Variants in RAI1 observed in about 807,000 individuals in gnomAD.
RAI1 encodes the protein retinoic acid induced 1, also known as retinoic acid-induced protein 1.
Under a neutral mutation model 123.8 loss-of-function variants are expected in RAI1, and 9 were observed. That is an observed-to-expected ratio of 0.07 (90% CI 0.04 to 0.13). The LOEUF is 0.13. Ranked by LOEUF, RAI1 falls within the 10% of genes least tolerant of loss-of-function variation. The pLI, the probability that RAI1 is intolerant of heterozygous loss-of-function variation, is 1.00. For missense variants in RAI1, 2,256 were observed against 2,545.8 expected (o/e 0.89, Z 2.45); for synonymous variants, 1,231 against 1,127.3 (o/e 1.09, Z -1.84).
At chr17:17,733,042 A>C (rs760681236) in intron 2 of RAI1, among the ~76,000 whole-genome samples, 3 of 151,966 alleles carry the variant, frequency 2.0e-5, no homozygotes, top group Non-Finnish European at 4.4e-5. Flanking sequence ...CCACACACCC[A>C]CAGGGCACTA....
intron 1 of RAI1, among the ~76,000 whole-genome samples, chr17:17,715,728 G>A (rs117814658): frequency 1.3e-4 from 20 of 152,250 alleles, no homozygotes; most frequent in East Asian, 7.7e-4. Flanking sequence ...GATGCCCCCC[G>A]GAAAGGGCTT....
chr17:17,810,997 G>C lies in RAI1; in HGVS notation c.*1016G>C. Reference sequence around the variant, plus strand: ...CGCCGTGCGTCGTGCGCCCGCAACAGAGCCCCAACCGGGCCTTTGCCGGGT... The same window carrying C: ...CGCCGTGCGTCGTGCGCCCGCAACACAGCCCCAACCGGGCCTTTGCCGGGT... On this transcript the variant is annotated 3_prime_UTR_variant, in exon 6 of 6. Transcript: ENST00000353383. The surrounding 1 kb of genome is among the most constrained non-coding windows in gnomAD (Gnocchi z 4.6). 3.1e-6 allele frequency: 1 copy of C among 320,876 alleles called. No individual in the cohort carries two copies. The highest frequency in any genetic ancestry group is 6.3e-6 in the Non-Finnish European group (1 of 159,862). The allele number at this position is 320,876 out of a possible 1,614,324, so 19.9% of individuals were successfully genotyped here.
Position 17,797,407 on chromosome 17 carries a change from G to A in RAI1, c.4459G>A (p.Ala1487Thr), listed in dbSNP as rs751990602. Reference protein sequence around the residue: ...PRDRASGTQGASEDNSGGGGK... With the variant: ...PRDRASGTQGTSEDNSGGGGK... The stretch of plus-strand genomic sequence containing the variant: ...AGACAGGGCCAGTGGCACACAAGGG[G>A]CCAGTGAGGACAACTCTGGTGGAGG... Residue 1487 changes from alanine (A) to threonine (T), a missense_variant, in exon 3 of 6, where the codon GCC (alanine) becomes ACC (threonine). By Grantham distance (58) the Ala-to-Thr change is moderately conservative. Around this residue, in one of 7 missense-constraint regions of RAI1, gnomAD observed 410 missense variants for 374.6 expected, o/e 1.09. Transcript: ENST00000353383. 6.2e-7 allele frequency: 1 copy of A among 1,613,102 alleles called. No individual in the cohort carries two copies. Among genetic ancestry groups the A allele is most frequent in the South Asian group, 1.1e-5 (1 of 91,072 alleles).
At chr17:17,742,680 A>G (rs1483947187) in intron 2 of RAI1, among the ~76,000 whole-genome samples, 1 of 152,188 alleles carries the variant, frequency 6.6e-6, no homozygotes, top group African/African-American at 2.4e-5. Context: ...GCTGTCCCAC[A>G]CCTGAGTCCC....
chr17:17,723,871 T>C (rs1207191493), intron 1 of RAI1, among the ~76,000 whole-genome samples, 157 bp from the exon 2 acceptor site: 3 of 148,740 alleles, frequency 2.0e-5, no homozygotes, highest in African/African-American at 7.4e-5. Flanking sequence ...GAATAATGGC[T>C]ACTGAGGGCG....
intron 1 of RAI1, among the ~76,000 whole-genome samples, chr17:17,715,101 G>T (rs1915669380): frequency 6.6e-6 from 1 of 152,256 alleles, no homozygotes. Flanking sequence ...CCCAAGCCAG[G>T]AATTGCACTG....
At chr17:17,758,955 CAGGA>C (rs1209457825) in intron 2 of RAI1, among the ~76,000 whole-genome samples, 1 of 152,132 alleles carries the variant, frequency 6.6e-6, no homozygotes, top group East Asian at 1.9e-4. Flanking sequence ...TCAGAGGGTG[CAGGA>C]CCTTGAATGC....
intron 2 of RAI1, among the ~76,000 whole-genome samples, chr17:17,784,415 T>G (rs150260612): frequency 2.6e-5 from 4 of 152,308 alleles, no homozygotes; most frequent in African/African-American, 9.6e-5. Flanking sequence ...CCCTTTCTGT[T>G]TGACAGACAG....
At chr17:17,807,641 C>T (rs2143006017) in intron 4 of RAI1, among the ~76,000 whole-genome samples, 1 of 152,360 alleles carries the variant, frequency 6.6e-6, no homozygotes, top group East Asian at 1.9e-4. Flanking sequence ...GTGACTCCCG[C>T]CCCGTGCCCC....
At chr17:17,787,469 A>G (rs1032239649) in intron 2 of RAI1, among the ~76,000 whole-genome samples, 1 of 152,250 alleles carries the variant, frequency 6.6e-6, no homozygotes, top group African/African-American at 2.4e-5. Flanking sequence ...TAAAAAAAAA[A>G]TTATTGTCCA....
intron 1 of RAI1, among the ~76,000 whole-genome samples, chr17:17,704,763 G>T (rs974621843): frequency 6.6e-6 from 1 of 151,872 alleles, no homozygotes; most frequent in Non-Finnish European, 1.5e-5. Flanking sequence ...TGTTGTTATT[G>T]GTGGTGGTGT....
chr17:17,692,132 C>G (rs1914858799), intron 1 of RAI1, among the ~76,000 whole-genome samples: 1 of 152,208 alleles, frequency 6.6e-6, no homozygotes, highest in African/African-American at 2.4e-5. Flanking sequence ...TGGGGTGACA[C>G]TGTCCCCTGG....
intron 2 of RAI1, among the ~76,000 whole-genome samples, chr17:17,741,374 G>C (rs1297287483): frequency 6.6e-6 from 1 of 152,232 alleles, no homozygotes; most frequent in African/African-American, 2.4e-5. Context: ...TGAGCAGGGG[G>C]ACCCTCCCTC....
rs1185115307 is a variant in RAI1 at position 17,795,856 on chromosome 17, G to A, written c.2908G>A (p.Ala970Thr). 8 of 1,613,004 alleles carry A rather than the reference G, an allele frequency of 5.0e-6. No homozygotes were observed. The highest frequency in any genetic ancestry group is 2.2e-5 in the East Asian group (1 of 44,880). Reference sequence around the variant, plus strand: ...TCCAGGGGATTCCACCACCTCGGACGCCTCTCTGGCCCAGAAGCCCAACAA... The same window carrying A: ...TCCAGGGGATTCCACCACCTCGGACACCTCTCTGGCCCAGAAGCCCAACAA... ...RAPGDSTTSD[A>T]SLAQKPNKPA... is the part of the protein sequence containing the mutation. The change falls in exon 3 of 6, where the codon GCC (alanine) becomes ACC (threonine). Residue 970 changes from alanine (A) to threonine (T), a missense_variant. By Grantham distance (58) the Ala-to-Thr change is moderately conservative. This residue lies in a region of RAI1 where 566 missense variants were observed against 616.0 expected (regional missense o/e 0.92). Coordinates refer to ENST00000353383, the MANE Select transcript of RAI1 (RefSeq NM_030665.4). This position sits in a 1 kb window ranked among gnomAD's most constrained non-coding sequence, Gnocchi z 5.9.
At chr17:17,688,202 A>G (rs1914705833) in intron 1 of RAI1, among the ~76,000 whole-genome samples, 1 of 151,714 alleles carries the variant, frequency 6.6e-6, no homozygotes, top group Non-Finnish European at 1.5e-5. Context: ...TGAGGATAAT[A>G]GGCAGGGCGC....
At chr17:17,684,684 A>G (rs1914564915) in intron 1 of RAI1, 1 of 44,806 alleles carries the variant, frequency 2.2e-5, no homozygotes, top group South Asian at 3.3e-4. Flanking sequence ...ATATATATAT[A>G]TATATATATA....
chr17:17,807,272 TGA>T (rs2032613936), intron 4 of RAI1, among the ~76,000 whole-genome samples: 1 of 131,422 alleles, frequency 7.6e-6, no homozygotes, highest in Admixed American at 7.5e-5. Context: ...GGGGTGGGAG[TGA>T]GAGGGCACTG....
intron 2 of RAI1, among the ~76,000 whole-genome samples, chr17:17,767,232 G>T (rs2030973131): frequency 6.6e-6 from 1 of 152,182 alleles, no homozygotes; most frequent in Admixed American, 6.5e-5. Context: ...GAAGGGAAGA[G>T]AGGCCTAGGC....
chr17:17,731,359 A>G (rs959043456), intron 2 of RAI1, among the ~76,000 whole-genome samples: 1 of 152,240 alleles, frequency 6.6e-6, no homozygotes, highest in Non-Finnish European at 1.5e-5. Flanking sequence ...TCCAAGGGGA[A>G]GCATTTTGCT....
Sources: gnomAD v4.1 joint callset for allele counts (sites outside exome capture counted in the v4.1 genomes callset) on GRCh38, gnomAD v4.1.1 for gene constraint, gnomAD v4.1.1 regional missense constraint, Gnocchi (gnomAD v3.1) non-coding constraint, MANE v1.5 for transcripts, NCBI Gene and HGNC (gene_info 2026-07-23, HGNC 2026-07-21) for gene names.